Variants in TTC17 observed in about 807,000 individuals in gnomAD.
TTC17 encodes the protein tetratricopeptide repeat domain 17.
In TTC17, 58 loss-of-function variants were observed where a neutral mutation model predicts 143.8. The ratio of observed to expected loss-of-function variants is 0.40; its 90% CI spans 0.33 to 0.50. TTC17 has a LOEUF of 0.50. Ranked by LOEUF, TTC17 falls within the 20% of genes least tolerant of loss-of-function variation. The pLI is 0.49. For missense variants in TTC17, 1,273 were observed against 1,392.5 expected, an observed-to-expected ratio of 0.91 and a Z score of 1.37; for synonymous variants, 501 against 497.8, an observed-to-expected ratio of 1.01 and a Z score of -0.09.
chr11:43,399,242 A>T (rs1857744726), intron 8 of TTC17, among the ~76,000 whole-genome samples: 2 of 152,260 alleles, frequency 1.3e-5, no homozygotes, highest in African/African-American at 4.8e-5. Flanking sequence ...GATTCTAGAA[A>T]GACTTTGAAT....
At chr11:43,376,346 A>G (rs1490228890) in intron 1 of TTC17, among the ~76,000 whole-genome samples, 1 of 152,212 alleles carries the variant, frequency 6.6e-6, no homozygotes. Context: ...ATACTTGATC[A>G]GGTTTTCCCT....
chr11:43,399,861 T>A (rs1300995202), intron 8 of TTC17, 27 bp from the exon 9 acceptor site: 13 of 1,573,498 alleles, frequency 8.3e-6, no homozygotes, highest in Non-Finnish European at 1.1e-5. Context: ...TAGCTCTAAC[T>A]TTTTCCTGGT....
chr11:43,399,140 A>G (rs1163447928), intron 8 of TTC17, among the ~76,000 whole-genome samples: 1 of 152,214 alleles, frequency 6.6e-6, no homozygotes, highest in African/African-American at 2.4e-5. Context: ...CCTGTAACCA[A>G]TAAGCTAGAG....
intron 21 of TTC17, among the ~76,000 whole-genome samples, chr11:43,488,731 G>C (rs958559497): frequency 6.6e-6 from 1 of 152,100 alleles, no homozygotes; most frequent in African/African-American, 2.4e-5. Flanking sequence ...GTCTCACTCT[G>C]TCTCCTGCAG....
chr11:43,396,711 C>T lies in TTC17; in HGVS notation c.666C>T (p.Asn222=). The change falls in exon 6 of 24, where the codon AAC becomes AAT. Residue 222 remains asparagine, a splice_region_variant and synonymous_variant. Coordinates refer to ENST00000039989, the MANE Select transcript of TTC17 (RefSeq NM_018259.6). ...AATTTTACTTTTTTAATCTCTAGAA[C>T]ACTTCCTCGTGGGTACTGTATAACA... is the stretch of plus-strand genomic sequence containing the variant. ...GHLIHEGLQK[N]TSSWVLYNMA... 1 of 1,553,582 alleles carries T rather than the reference C, an allele frequency of 6.4e-7. No individual in the cohort carries two copies. Among genetic ancestry groups the T allele is most frequent in the East Asian group, 2.3e-5 (1 of 43,890 alleles).
At chr11:43,427,053 A>G (rs2134667176) in intron 16 of TTC17, among the ~76,000 whole-genome samples, 1 of 152,312 alleles carries the variant, frequency 6.6e-6, no homozygotes, top group South Asian at 2.1e-4. Flanking sequence ...TTTGCTAGTA[A>G]GTTTTAAATA....
At chr11:43,381,872 G>A (rs1419104051) in intron 2 of TTC17, among the ~76,000 whole-genome samples, 1 of 152,144 alleles carries the variant, frequency 6.6e-6, no homozygotes, top group African/African-American at 2.4e-5. Flanking sequence ...GATATTAGCT[G>A]AGATAAAGAA....
chr11:43,407,409 A>G lies in TTC17; in HGVS notation c.1896A>G (p.Val632=), dbSNP rs1227087357. 1 of 1,614,024 alleles carries G rather than the reference A, an allele frequency of 6.2e-7. No homozygotes were observed. Among genetic ancestry groups the G allele is most frequent in the Non-Finnish European group, 8.5e-7 (1 of 1,179,982 alleles). Residue 632 remains valine (V), a synonymous_variant, in exon 15 of 24, where the codon GTA becomes GTG. Transcript: ENST00000039989. ...LNEAGLYWRA[V]GNSTFAIACL... is the part of the protein sequence containing the mutation. ...AAGCTGGACTATACTGGAGAGCAGT[A>G]GGAAATAGCACTTTTGCTATTGCCT...
At chr11:43,458,715 C>T (rs1947809154) in intron 21 of TTC17, among the ~76,000 whole-genome samples, 2 of 152,236 alleles carry the variant, frequency 1.3e-5, no homozygotes, top group African/African-American at 4.8e-5. Flanking sequence ...GTAGTTCCCC[C>T]TCAACTGTGG....
Position 43,450,168 on chromosome 11 carries a change from A to G in TTC17, c.2873A>G (p.His958Arg). ...AATGGCAATCTCCCCACGAGTATGC[A>G]TACCCTGGACCACTTGCATGGGGTT... is the stretch of plus-strand genomic sequence containing the variant. ...LCNGNLPTSMHTLDHLHGVSN... is the reference protein window; with the variant it reads ...LCNGNLPTSMRTLDHLHGVSN... The change falls in exon 20 of 24, where the codon CAT becomes CGT. Residue 958 changes from histidine to arginine, a missense_variant. His to Arg is a conservative substitution (Grantham distance 29, BLOSUM62 0). Around this residue, in one of 3 missense-constraint regions of TTC17, gnomAD observed 878 missense variants for 899.8 expected, o/e 0.98. Transcript: ENST00000039989. The G allele has an allele frequency of 6.2e-7, 1 of 1,614,214 alleles. No homozygotes were observed. The highest frequency in any genetic ancestry group is 8.5e-7 in the Non-Finnish European group (1 of 1,180,032).
intron 1 of TTC17, among the ~76,000 whole-genome samples, chr11:43,371,082 A>C (rs1383715226): frequency 1.3e-5 from 2 of 152,040 alleles, no homozygotes; most frequent in African/African-American, 4.8e-5. Flanking sequence ...CAAAGTGCTA[A>C]GATTACAGGT....
At position 43,399,870 on chromosome 11, in the gene TTC17, G is replaced by A. The variant is rs752041611; in HGVS notation, c.1059-18G>A. The A allele has an allele frequency of 1.1e-5, 17 of 1,574,228 alleles. No individual in the cohort carries two copies. Among genetic ancestry groups the A allele is most frequent in the Admixed American group, 2.0e-5 (1 of 50,708 alleles). On this transcript the variant is annotated intron_variant, in intron 8 of 23. Coordinates refer to ENST00000039989, the MANE Select transcript of TTC17 (RefSeq NM_018259.6). The stretch of plus-strand genomic sequence containing the variant: ...ATTTTATAGCTCTAACTTTTTCCTG[G>A]TATTAAAAAATGTTAAGATCTCTCC...
intron 2 of TTC17, among the ~76,000 whole-genome samples, chr11:43,388,325 T>C (rs1256151727): frequency 6.6e-6 from 1 of 152,158 alleles, no homozygotes; most frequent in Non-Finnish European, 1.5e-5. Flanking sequence ...ATACCATTTA[T>C]ATAAAATTTT....
chr11:43,477,122 C>G (rs1003301202), intron 21 of TTC17, among the ~76,000 whole-genome samples: 11 of 152,208 alleles, frequency 7.2e-5, no homozygotes, highest in Non-Finnish European at 1.6e-4. Context: ...TTTGCTAAAA[C>G]ATAACAAGAG....
intron 21 of TTC17, among the ~76,000 whole-genome samples, chr11:43,482,137 C>T (rs531464368): frequency 2.1e-4 from 32 of 152,056 alleles, no homozygotes; most frequent in African/African-American, 7.5e-4. Flanking sequence ...TTTGAGGATC[C>T]ACTGACTTTC....
chr11:43,444,789 A>G (rs1278843261), intron 18 of TTC17, among the ~76,000 whole-genome samples: 3 of 151,288 alleles, frequency 2.0e-5, no homozygotes, highest in Non-Finnish European at 4.4e-5. Flanking sequence ...AAGATATTCA[A>G]CCTCATCAGC....
intron 15 of TTC17, among the ~76,000 whole-genome samples, chr11:43,413,010 AC>A (rs1946689159): frequency 1.3e-5 from 2 of 151,708 alleles, no homozygotes; most frequent in Non-Finnish European, 2.9e-5. Context: ...ACACACACAC[AC>A]ACACACACAC....
chr11:43,371,181 T>C (rs919415522), intron 1 of TTC17, among the ~76,000 whole-genome samples: 44 of 152,320 alleles, frequency 2.9e-4, no homozygotes, highest in African/African-American at 1.0e-3. Flanking sequence ...TCTTACAACA[T>C]GTTTCTGACA....
At chr11:43,478,741 C>T (rs776111697) in intron 21 of TTC17, among the ~76,000 whole-genome samples, 5 of 152,110 alleles carry the variant, frequency 3.3e-5, no homozygotes, top group Non-Finnish European at 5.9e-5. Context: ...CCTGCCCCAT[C>T]CCGCAACCCC....
Sources: gnomAD v4.1 joint callset for allele counts (sites outside exome capture counted in the v4.1 genomes callset) on GRCh38, gnomAD v4.1.1 for gene constraint, gnomAD v4.1.1 regional missense constraint, MANE v1.5 for transcripts, NCBI Gene and HGNC (gene_info 2026-07-23, HGNC 2026-07-21) for gene names.